The following C11orf65 variants were observed in gnomAD, a reference collection of about 807,000 sequenced individuals.
The protein encoded by C11orf65 is protein MFI.
C11orf65 carries 38 observed loss-of-function variants against 35.3 expected under a neutral mutation model. That is an observed-to-expected ratio of 1.08 (90% confidence interval 0.83 to 1.41). The LOEUF is 1.41. Among genes scored for constraint, C11orf65 ranks in the 40% most tolerant of loss-of-function variants. The probability of loss-of-function intolerance (pLI) is 0.00; values close to 1 mark genes in which losing one functional copy is unlikely to be tolerated. For synonymous variants in C11orf65, 105 were observed against 114.4 expected, an observed-to-expected ratio of 0.92 and a Z score of 0.53; for missense variants, 370 against 367.1, an observed-to-expected ratio of 1.01 and a Z score of -0.06.
chr11:108,358,030 T>G (rs188445985), intron 2 of C11orf65, among the ~76,000 whole-genome samples: 1,398 of 129,718 alleles, frequency 0.011, 2 homozygotes, highest in Middle Eastern at 0.019. Flanking sequence ...CAAAGGCAAA[T>G]AAGTTGACAA....
intron 6 of C11orf65, chr11:108,315,730 G>A: frequency 1.2e-6 from 1 of 862,334 alleles, no homozygotes; most frequent in South Asian, 1.4e-5. Flanking sequence ...AGAGTTGGGA[G>A]TTACATATTG....
At chr11:108,434,882 A>G (rs886992354) in intron 2 of C11orf65, among the ~76,000 whole-genome samples, 1 of 152,168 alleles carries the variant, frequency 6.6e-6, no homozygotes, top group African/African-American at 2.4e-5. Flanking sequence ...TAGCACACCA[A>G]TGGGCCCATG....
At chr11:108,327,531 T>C (rs1341282686), downstream of C11orf65, 16 of 807,534 alleles carry the variant, frequency 2.0e-5, no homozygotes, top group South Asian at 3.0e-5. Context: ...ACTTTTTTTT[T>C]CCCACCCACC....
intron 3 of C11orf65, among the ~76,000 whole-genome samples, chr11:108,427,450 G>GGC (rs71047696): frequency 3.3e-5 from 5 of 151,426 alleles, no homozygotes; most frequent in South Asian, 2.1e-4. Context: ...GGCCGGGCGC[G>GGC]GGCTGACGCC....
At chr11:108,444,005 C>G (rs902501589) in intron 2 of C11orf65, among the ~76,000 whole-genome samples, 87 of 151,986 alleles carry the variant, frequency 5.7e-4, no homozygotes, top group African/African-American at 2.0e-3. Flanking sequence ...CACAAAAAAC[C>G]CTTCAAAAAA....
At chr11:108,468,779 A>C (rs2093561270), upstream of C11orf65, among the ~76,000 whole-genome samples, 1 of 152,144 alleles carries the variant, frequency 6.6e-6, no homozygotes, top group Non-Finnish European at 1.5e-5. Context: ...TGTATATCTT[A>C]ATTTTCAATC....
At chr11:108,367,351 AG>A (rs1034273221) in intron 2 of C11orf65, 8 of 187,368 alleles carry the variant, frequency 4.3e-5, no homozygotes, top group African/African-American at 1.6e-4. Flanking sequence ...TGTATTTAAA[AG>A]AATGTTTTCT....
In C11orf65 at chr11:108,406,798, T is replaced by C. The variant is rs2092548748; in HGVS notation, c.394A>G (p.Ile132Val). 6.2e-7 allele frequency: 1 copy of C among 1,611,432 alleles called. No individual in the cohort carries two copies. The highest frequency in any genetic ancestry group is 1.1e-5 in the South Asian group (1 of 90,802). ...ACTGGCCTCCAGCCATTGTTTTCTA[T>C]ACGATGATACCAGCCACTATGATCC... is the stretch of plus-strand genomic sequence containing the variant. ...EEDHSGWYHR[I>V]ENNGWRPVSD... The change falls in exon 5 of 9, where the codon ATA becomes GTA. Residue 132 changes from isoleucine to valine, a missense_variant. By Grantham distance (29) the Ile-to-Val change is conservative. Coordinates refer to ENST00000393084, the MANE Select transcript of C11orf65 (RefSeq NM_152587.5).
At chr11:108,442,054 T>A (rs1665338635) in intron 2 of C11orf65, among the ~76,000 whole-genome samples, 2 of 151,938 alleles carry the variant, frequency 1.3e-5, no homozygotes, top group African/African-American at 4.8e-5. Flanking sequence ...TTCAAACCTA[T>A]CACAAAGAAG....
chr11:108,451,958 G>T (rs1288295599), intron 2 of C11orf65, among the ~76,000 whole-genome samples: 2 of 152,206 alleles, frequency 1.3e-5, no homozygotes, highest in African/African-American at 4.8e-5. Context: ...GCCATAGGTA[G>T]AAAGCTGAAA....
Position 108,355,152 on chromosome 11 carries a change from TC to T in C11orf65, c.227-19861del, listed in dbSNP as rs2089742860. 9.2e-6 allele frequency: 4 copies of T among 435,486 alleles called. No individual in the cohort carries two copies. In the South Asian group the frequency reaches 1.1e-4, roughly 12 times the overall value. The allele number at this position is 435,486 out of a possible 1,614,324, so 27.0% of individuals were successfully genotyped here. On this transcript the variant is annotated intron_variant, in intron 2 of 3. Transcript: ENST00000524755. Reference sequence around the variant, plus strand: ...AATCAATTCTTTGACATTTAGATATTCCATATGGTATTATTATTTTCAGAAT... The same window carrying T: ...AATCAATTCTTTGACATTTAGATATTCATATGGTATTATTATTTTCAGAAT...
chr11:108,422,624 C>T (rs1414192112), intron 3 of C11orf65, among the ~76,000 whole-genome samples: 1 of 152,172 alleles, frequency 6.6e-6, no homozygotes, highest in Non-Finnish European at 1.5e-5. Flanking sequence ...TGGCTCACAC[C>T]TGTAATCCCA....
At chr11:108,357,253 G>A (rs1385880309) in intron 2 of C11orf65, among the ~76,000 whole-genome samples, 5 of 152,190 alleles carry the variant, frequency 3.3e-5, no homozygotes, top group Non-Finnish European at 5.9e-5. Flanking sequence ...AAAAAACGGC[G>A]CACCACGAGA....
downstream of C11orf65, chr11:108,382,646 A>G (rs2091889367): frequency 2.6e-6 from 1 of 388,886 alleles, no homozygotes; most frequent in Admixed American, 6.4e-5. Flanking sequence ...GAGGGGATTT[A>G]AAGAAGCAAG....
chr11:108,309,563 A>G (rs529262910), intron 6 of C11orf65, among the ~76,000 whole-genome samples: 3 of 152,344 alleles, frequency 2.0e-5, no homozygotes, highest in Admixed American at 1.3e-4. Flanking sequence ...CTTCAACACT[A>G]GTGCTCTTAA....
intron 3 of C11orf65, chr11:108,335,147 T>C (rs2136668525): frequency 6.2e-7 from 1 of 1,613,386 alleles, no homozygotes; most frequent in Non-Finnish European, 8.5e-7. Context: ...CTTAGAGTTT[T>C]AGTGATGAAA....
chr11:108,333,359 G>C (rs1242787044), intron 3 of C11orf65, among the ~76,000 whole-genome samples: 1 of 152,070 alleles, frequency 6.6e-6, no homozygotes, highest in Non-Finnish European at 1.5e-5. Context: ...ATAATTACAA[G>C]CTGCTATATA....
rs761629908 is a variant in C11orf65, at chr11:108,343,342, A to G, written c.227-8050T>C. 5 of 1,613,978 alleles carry G rather than the reference A, an allele frequency of 3.1e-6. No homozygotes were observed. The highest frequency in any genetic ancestry group is 4.2e-6 in the Non-Finnish European group (5 of 1,179,860). On this transcript the variant is annotated intron_variant, in intron 2 of 3. Coordinates refer to the C11orf65 transcript ENST00000524755. Reference sequence around the variant, plus strand: ...TAAAAGATACAGGCCAAATGATTTCAGTGCCTTTCAGTGCCAAAAGAAAAT... The same window carrying G: ...TAAAAGATACAGGCCAAATGATTTCGGTGCCTTTCAGTGCCAAAAGAAAAT...
At chr11:108,446,825 GAC>G (rs2093269381) in intron 2 of C11orf65, among the ~76,000 whole-genome samples, 1 of 152,082 alleles carries the variant, frequency 6.6e-6, no homozygotes, top group South Asian at 2.1e-4. Flanking sequence ...CCAATTAAAA[GAC>G]ACAGACTGGC....
Sources: gnomAD v4.1 joint callset for allele counts (sites outside exome capture counted in the v4.1 genomes callset) on GRCh38, gnomAD v4.1.1 for gene constraint, MANE v1.5 for transcripts, NCBI Gene and HGNC (gene_info 2026-07-23, HGNC 2026-07-21) for gene names.